The following DAB2IP variants were observed in gnomAD, a reference collection of about 807,000 sequenced individuals.
The protein encoded by DAB2IP is DAB2 interacting protein, also known as disabled homolog 2-interacting protein.
In DAB2IP, 28 loss-of-function variants were observed where a neutral mutation model predicts 107.2. The ratio of observed to expected loss-of-function variants is 0.26; its 90% CI spans 0.19 to 0.36. DAB2IP has a LOEUF of 0.36. Ranked by LOEUF, DAB2IP falls within the 10% of genes least tolerant of loss-of-function variation. The pLI is 1.00. For missense variants in DAB2IP, 1,400 were observed against 1,644.7 expected, an observed-to-expected ratio of 0.85 and a Z score of 2.57; for synonymous variants, 755 against 706.4, an observed-to-expected ratio of 1.07 and a Z score of -1.09.
At chr9:121,743,943 C>T (rs1025835636) in intron 3 of DAB2IP, among the ~76,000 whole-genome samples, 3 of 152,156 alleles carry the variant, frequency 2.0e-5, no homozygotes, top group Admixed American at 6.5e-5. Flanking sequence ...TGTGAAAAAG[C>T]GGGACACCAA....
intron 1 of DAB2IP, among the ~76,000 whole-genome samples, chr9:121,608,279 T>C (rs1001805287): frequency 2.0e-5 from 3 of 152,136 alleles, no homozygotes; most frequent in African/African-American, 7.2e-5. Flanking sequence ...AATTTCTTAC[T>C]TGAGACTGTA....
chr9:121,768,408 C>CT, intron 9 of DAB2IP, 24 bp from the exon 10 acceptor site: 1 of 1,613,200 alleles, frequency 6.2e-7, no homozygotes, highest in Non-Finnish European at 8.5e-7. Context: ...CCCAGTAGTG[C>CT]TCACCCAACT....
intron 1 of DAB2IP, among the ~76,000 whole-genome samples, chr9:121,611,957 G>A (rs868744063): frequency 2.0e-5 from 3 of 152,194 alleles, no homozygotes; most frequent in Admixed American, 1.3e-4. Flanking sequence ...AATAAATGCT[G>A]CAGTTTTGTT....
chr9:121,659,755 C>T (rs1359445822), intron 1 of DAB2IP, among the ~76,000 whole-genome samples: 1 of 152,066 alleles, frequency 6.6e-6, no homozygotes, highest in East Asian at 1.9e-4. Context: ...GATCGCGCCA[C>T]TGCACTCCAG....
At chr9:121,713,077 T>C (rs79147219) in intron 3 of DAB2IP, among the ~76,000 whole-genome samples, 4,282 of 152,306 alleles carry the variant, frequency 0.028, 215 homozygotes, top group African/African-American at 0.097. Context: ...ATGTGGCACC[T>C]TGTCATTCCC....
At position 121,699,008 on chromosome 9, in the gene DAB2IP, C is replaced by T. The variant is rs1429273501; in HGVS notation, c.229-317C>T. 6.6e-6 allele frequency among the ~76,000 whole-genome samples: 1 copy of T among 151,348 alleles called. No homozygotes were observed. The highest frequency in any genetic ancestry group is 6.6e-5 in the Admixed American group (1 of 15,208). ...CCCTCGTCCCGGTACTCCCCCTCGC[C>T]CCGGCGCCCGGGGGGCTCGGGCAGC... On this transcript the variant is annotated intron_variant, in intron 2 of 15. Transcript: ENST00000408936. The surrounding 1 kb of genome is among the most constrained non-coding windows in gnomAD (Gnocchi z 6.2).
At chr9:121,605,058 C>T (rs760341217) in intron 1 of DAB2IP, among the ~76,000 whole-genome samples, 6 of 152,178 alleles carry the variant, frequency 3.9e-5, no homozygotes, top group East Asian at 1.9e-4. Context: ...CTCCTTCTGT[C>T]GCCCAGGCTG....
chr9:121,686,904 C>T (rs925109010), intron 2 of DAB2IP, among the ~76,000 whole-genome samples: 1 of 152,248 alleles, frequency 6.6e-6, no homozygotes, highest in African/African-American at 2.4e-5. Context: ...CAACATCACC[C>T]CTGACTGAAC....
intron 1 of DAB2IP, among the ~76,000 whole-genome samples, chr9:121,671,181 C>G (rs1471182556): frequency 6.6e-6 from 1 of 151,810 alleles, no homozygotes; most frequent in Non-Finnish European, 1.5e-5. Flanking sequence ...AAACAAAGAA[C>G]AAAAATTAGC....
At chr9:121,753,970 C>CA (rs929266127) in intron 3 of DAB2IP, among the ~76,000 whole-genome samples, 1 of 152,154 alleles carries the variant, frequency 6.6e-6, no homozygotes, top group African/African-American at 2.4e-5. Flanking sequence ...AGTGGCCCAA[C>CA]AATGCCAGCA....
chr9:121,696,051 T>C (rs1163194173), intron 2 of DAB2IP, among the ~76,000 whole-genome samples: 1 of 152,030 alleles, frequency 6.6e-6, no homozygotes, highest in Admixed American at 6.5e-5. Flanking sequence ...GTATTTTTAG[T>C]AGAGACGGGG....
intron 1 of DAB2IP, among the ~76,000 whole-genome samples, chr9:121,623,690 GT>G (rs1831550340): frequency 6.6e-6 from 1 of 151,682 alleles, no homozygotes; most frequent in African/African-American, 2.4e-5. Context: ...GTTTTGTTTT[GT>G]TTTGTTTTGT....
At chr9:121,678,555 G>A in intron 1 of DAB2IP, 123 bp from the exon 2 acceptor site, 1 of 754,838 alleles carries the variant, frequency 1.3e-6, no homozygotes, top group South Asian at 3.1e-5. Flanking sequence ...TTTCCATAGT[G>A]CCTGGACCAT....
At chr9:121,715,969 T>A (rs1227474085) in intron 3 of DAB2IP, among the ~76,000 whole-genome samples, 1 of 152,222 alleles carries the variant, frequency 6.6e-6, no homozygotes, top group African/African-American at 2.4e-5. Flanking sequence ...ACCAGAGGCA[T>A]CCCACTTTGT....
intron 1 of DAB2IP, among the ~76,000 whole-genome samples, chr9:121,643,477 C>G (rs1035204947): frequency 6.6e-6 from 1 of 152,034 alleles, no homozygotes; most frequent in Non-Finnish European, 1.5e-5. Flanking sequence ...TCCCTGATCT[C>G]ACCCCTCACA....
chr9:121,708,448 G>T (rs1016316345), intron 3 of DAB2IP, among the ~76,000 whole-genome samples: 1 of 152,216 alleles, frequency 6.6e-6, no homozygotes, highest in Non-Finnish European at 1.5e-5. Flanking sequence ...GGCTCCCATT[G>T]TGAAAAGCTC....
At chr9:121,567,298 A>G (rs1010436511) in intron 1 of DAB2IP, 16 of 1,607,174 alleles carry the variant, frequency 1.0e-5, no homozygotes, top group African/African-American at 2.7e-5. Flanking sequence ...TTTCTCTGCT[A>G]TAGGAATCTG....
At chr9:121,614,318 C>T (rs1303531754) in intron 1 of DAB2IP, among the ~76,000 whole-genome samples, 1 of 148,100 alleles carries the variant, frequency 6.8e-6, no homozygotes, top group Non-Finnish European at 1.5e-5. Flanking sequence ...ACTCTCCCAC[C>T]TTTGCACTTC....
intron 1 of DAB2IP, among the ~76,000 whole-genome samples, chr9:121,585,867 G>A (rs577412915): frequency 6.6e-6 from 1 of 152,038 alleles, no homozygotes; most frequent in African/African-American, 2.4e-5. Flanking sequence ...AATAGAATGG[G>A]TTAATGAATG....
Sources: gnomAD v4.1 joint callset for allele counts (sites outside exome capture counted in the v4.1 genomes callset) on GRCh38, gnomAD v4.1.1 for gene constraint, Gnocchi (gnomAD v3.1) non-coding constraint, MANE v1.5 for transcripts, NCBI Gene and HGNC (gene_info 2026-07-23, HGNC 2026-07-21) for gene names.